The following LRRC75B variants were observed in gnomAD, a reference collection of about 807,000 sequenced individuals.
LRRC75B encodes the protein leucine rich repeat containing 75B.
LRRC75B carries 20 observed loss-of-function variants against 16.5 expected under a neutral mutation model. The observed-to-expected ratio is 1.21, with a 90% CI of 0.85 to 1.76. The LOEUF (loss-of-function observed/expected upper bound fraction) is 1.76, where lower values mean the gene tolerates loss of function less well. LRRC75B is among the 40% of genes most tolerant of loss of function. The pLI is 0.00. For synonymous variants in LRRC75B, 199 were observed against 198.1 expected (o/e 1.00, Z -0.04); for missense variants, 406 against 417.0 (o/e 0.97, Z 0.23).
chr22:24,588,277 T>C lies in LRRC75B; in HGVS notation c.359A>G (p.His120Arg), dbSNP rs2045459319. The change falls in exon 3 of 4, where the codon CAC (histidine) becomes CGC (arginine). Residue 120 changes from histidine to arginine, a missense_variant. By Grantham distance (29) the His-to-Arg change is conservative. Transcript: ENST00000318753. ...CTGCTGCTTCGAGTGAGGGGTGAGG[T>C]GGTAGATGAGCTGTCGGCAGATCTT... Reference protein sequence around the residue: ...SDKICRQLIYHLTPHSKQQQG... With the variant: ...SDKICRQLIYRLTPHSKQQQG... 1 of 1,613,292 alleles carries C rather than the reference T, an allele frequency of 6.2e-7. No homozygotes were observed. The highest frequency in any genetic ancestry group is 8.5e-7 in the Non-Finnish European group (1 of 1,179,802).
At chr22:24,589,556 A>G in intron 2 of LRRC75B, 1 of 469,494 alleles carries the variant, frequency 2.1e-6, no homozygotes, top group Non-Finnish European at 3.4e-6. Flanking sequence ...CTGGGCCCCC[A>G]GGCCTGGTGC....
Position 24,586,144 on chromosome 22 carries a change from A to G in LRRC75B, c.690T>C (p.Asp230=), listed in dbSNP as rs1420763130. Residue 230 remains aspartate, a synonymous_variant, in exon 4 of 4, where the codon GAT becomes GAC. Transcript: ENST00000318753. ...GGAACTTGGTGGTGTCCTTGATGGC[A>G]TCAGTGAGCTTGCGGGCAGTGGCCC... ...LTRATARKLT[D]AIKDTTKFPA... 3.1e-6 allele frequency: 5 copies of G among 1,613,454 alleles called. No individual in the cohort carries two copies. Among genetic ancestry groups the G allele is most frequent in the African/African-American group, 1.3e-5 (1 of 75,068 alleles).
chr22:24,586,276 G>A lies in LRRC75B; in HGVS notation c.558C>T (p.Asp186=), dbSNP rs1387884172. 48 of 1,613,776 alleles carry A rather than the reference G, an allele frequency of 3.0e-5. No individual in the cohort carries two copies. The Admixed American group carries it at 8.0e-4, about 27-fold the overall frequency. ...SSHGAVLAVL[D]LSFTGLSDEL... ...CATCACTCAGCCCCGTGAAGCTCAG[G>A]TCCAGCACCGCCAGCACAGCACCAT... Residue 186 remains aspartate, a synonymous_variant, in exon 4 of 4, where the codon GAC becomes GAT. Coordinates refer to ENST00000318753, the MANE Select transcript of LRRC75B (RefSeq NM_207644.3).
intron 3 of LRRC75B, among the ~76,000 whole-genome samples, chr22:24,587,825 T>G (rs1052262706): frequency 4.6e-5 from 7 of 152,018 alleles, no homozygotes; most frequent in Admixed American, 2.0e-4. Flanking sequence ...CCCTCTAAAA[T>G]GAGAATCGCG....
At chr22:24,589,660 A>C (rs546272315) in intron 2 of LRRC75B, 161 bp downstream of exon 2, 8 of 828,078 alleles carry the variant, frequency 9.7e-6, no homozygotes, top group African/African-American at 7.0e-5. Context: ...CCAGCCTAAT[A>C]TACTGATGCT....
chr22:24,590,332 A>C (rs576573143), intron 1 of LRRC75B, among the ~76,000 whole-genome samples: 1 of 152,114 alleles, frequency 6.6e-6, no homozygotes, highest in African/African-American at 2.4e-5. Context: ...GGGTCTCACT[A>C]TGTTGCCCAG....
intron 2 of LRRC75B, chr22:24,589,351 C>G: frequency 8.8e-7 from 1 of 1,137,554 alleles, no homozygotes; most frequent in Non-Finnish European, 1.1e-6. Context: ...TAGGGGAAAG[C>G]AGTGAGCACC....
chr22:24,587,908 G>A (rs992247568), intron 3 of LRRC75B, among the ~76,000 whole-genome samples: 4 of 152,108 alleles, frequency 2.6e-5, no homozygotes, highest in African/African-American at 9.7e-5. Flanking sequence ...CACCTTGGCT[G>A]TTGGGTGGAG....
At chr22:24,589,747 C>T (rs2045511931) in intron 2 of LRRC75B, 74 bp downstream of exon 2, 3 of 1,478,570 alleles carry the variant, frequency 2.0e-6, no homozygotes, top group Admixed American at 2.5e-5. Context: ...GCCTCCCAGT[C>T]CCCAGCCCTG....
intron 1 of LRRC75B, chr22:24,592,211 G>A: frequency 2.3e-6 from 1 of 441,766 alleles, no homozygotes; most frequent in East Asian, 7.1e-5. Context: ...TCTGGGTTTA[G>A]TGTACCTGGT....
chr22:24,585,696 G>A lies in LRRC75B; in HGVS notation c.*190C>T. On this transcript the variant is annotated 3_prime_UTR_variant, in exon 4 of 4. Coordinates refer to ENST00000318753, the MANE Select transcript of LRRC75B (RefSeq NM_207644.3). ...GGTGCTGGGGCCCCTCCCACTGAGG[G>A]AAGGCTGAGCCTCTAGCCAGGGCTG... is the stretch of plus-strand genomic sequence containing the variant. The A allele has an allele frequency of 1.5e-6, 1 of 659,932 alleles. No individual in the cohort carries two copies. The allele number at this position is 659,932 out of a possible 1,614,324, so 40.9% of individuals were successfully genotyped here.
At position 24,588,347 on chromosome 22, in the gene LRRC75B, C is replaced by T. The variant is rs750884178; in HGVS notation, c.307-18G>A. ...TCATAGTCCTGTGGGAGGGCAGTGT[C>T]ACCATGGTGAATCTGAGCCCCTCCT... is the stretch of plus-strand genomic sequence containing the variant. On this transcript the variant is annotated intron_variant, in intron 2 of 3. Transcript: ENST00000318753. 6.3e-7 allele frequency: 1 copy of T among 1,591,964 alleles called. No homozygotes were observed. Among genetic ancestry groups the T allele is most frequent in the South Asian group, 1.1e-5 (1 of 89,516 alleles).
chr22:24,588,500 C>A, intron 2 of LRRC75B, 171 bp from the exon 3 acceptor site: 1 of 760,956 alleles, frequency 1.3e-6, no homozygotes, highest in Admixed American at 2.4e-5. Flanking sequence ...CGGCTGTGGC[C>A]TGGCACAGAG....
rs2147146454 is a variant in LRRC75B, at chr22:24,585,896, C to G, written c.938G>C (p.Cys313Ser). ...CAGGTGGGTGGTGGGTCACCTGGCA[C>G]AGCAGGCCTGGGGCTCGGGTCCCAG... Reference protein sequence around the residue: ...AGLGPEPQACCAR With the variant: ...AGLGPEPQACSAR Residue 313 changes from cysteine to serine, a missense_variant, in exon 4 of 4, where the codon TGT (cysteine) becomes TCT (serine). Coordinates refer to ENST00000318753, the MANE Select transcript of LRRC75B (RefSeq NM_207644.3). 1 of 1,588,778 alleles carries G rather than the reference C, an allele frequency of 6.3e-7. No individual in the cohort carries two copies. Among genetic ancestry groups the G allele is most frequent in the East Asian group, 2.3e-5 (1 of 43,860 alleles).
In LRRC75B at chr22:24,589,880, C is replaced by A. The variant is rs199978445; in HGVS notation, c.247G>T (p.Asp83Tyr). 1 of 1,613,860 alleles carries A rather than the reference C, an allele frequency of 6.2e-7. No individual in the cohort carries two copies. Among genetic ancestry groups the A allele is most frequent in the Non-Finnish European group, 8.5e-7 (1 of 1,179,900 alleles). The change falls in exon 2 of 4, where the codon GAC (aspartate) becomes TAC (tyrosine). Residue 83 changes from aspartate to tyrosine, a missense_variant. Transcript: ENST00000318753. ...ACAAGCAGGTCATGGGAGATGGGGTCGACCGGGTTGAGGAAGGCCACATCT... is the reference window on the plus strand; with the variant it reads ...ACAAGCAGGTCATGGGAGATGGGGTAGACCGGGTTGAGGAAGGCCACATCT... ...YRDVAFLNPV[D>Y]PISHDLLVNL...
At chr22:24,587,658 G>A (rs1268205224) in intron 3 of LRRC75B, among the ~76,000 whole-genome samples, 3 of 152,222 alleles carry the variant, frequency 2.0e-5, no homozygotes, top group African/African-American at 7.2e-5. Context: ...CCAGGATGGA[G>A]TGTCTGAGAG....
intron 2 of LRRC75B, chr22:24,589,072 C>T (rs2045488378): frequency 1.9e-6 from 2 of 1,065,548 alleles, no homozygotes; most frequent in Non-Finnish European, 2.3e-6. Flanking sequence ...GGCGCAGAGT[C>T]CTAGGGGCCG....
chr22:24,592,835 C>T (rs1242977360), intron 1 of LRRC75B, 28 bp downstream of exon 1: 3 of 1,276,098 alleles, frequency 2.4e-6, no homozygotes, highest in Non-Finnish European at 3.0e-6. Flanking sequence ...TGGCCGCCAG[C>T]CCAGGGGCGG....
At chr22:24,590,046 C>G (rs2045522749) in intron 1 of LRRC75B, 97 bp from the exon 2 acceptor site, 1 of 1,351,708 alleles carries the variant, frequency 7.4e-7, no homozygotes, top group South Asian at 1.6e-5. Context: ...CCGTTCCTGT[C>G]TCTCCATCTC....
Sources: allele counts gnomAD v4.1 joint callset (sites outside exome capture counted in the v4.1 genomes callset), GRCh38; gene constraint gnomAD v4.1.1; transcripts MANE v1.5; gene names NCBI Gene and HGNC (gene_info 2026-07-23, HGNC 2026-07-21).